SLCO1B1: variants seen among roughly 807,000 people sequenced by gnomAD.
SLCO1B1 encodes the protein OATP-2.
A neutral mutation model predicts 70.1 loss-of-function variants in SLCO1B1; 81 were observed. The observed-to-expected ratio is 1.16, with a 90% CI of 0.97 to 1.39. The LOEUF (loss-of-function observed/expected upper bound fraction) is 1.39, where lower values mean the gene tolerates loss of function less well. SLCO1B1 is among the 40% of genes most tolerant of loss of function. The probability of loss-of-function intolerance (pLI) is 0.00; values close to 1 mark genes in which losing one functional copy is unlikely to be tolerated. For missense variants in SLCO1B1, 895 were observed against 799.6 expected (o/e 1.12, Z -1.44); for synonymous variants, 283 against 271.5 (o/e 1.04, Z -0.42).
rs1565673099 is a variant in SLCO1B1, at chr12:21,174,628, G to A, written c.278G>A (p.Arg93Lys). ...FVSYFGSKLHRPKLIGIGCFI... is the reference protein window; with the variant it reads ...FVSYFGSKLHKPKLIGIGCFI... ...AGTTACTTTGGATCCAAACTACATAGACCAAAGTTAATTGGAATCGGTTGT... is the reference window on the plus strand; with the variant it reads ...AGTTACTTTGGATCCAAACTACATAAACCAAAGTTAATTGGAATCGGTTGT... Residue 93 changes from arginine to lysine, a missense_variant, in exon 4 of 15, where the codon AGA (arginine) becomes AAA (lysine). Coordinates refer to ENST00000256958, the MANE Select transcript of SLCO1B1 (RefSeq NM_006446.5). 6 of 1,612,498 alleles carry A rather than the reference G, an allele frequency of 3.7e-6. No individual in the cohort carries two copies. In the East Asian group the frequency reaches 1.1e-4, roughly 30 times the overall value.
intron 11 of SLCO1B1, among the ~76,000 whole-genome samples, chr12:21,207,615 AT>A (rs1941229650): frequency 6.6e-6 from 1 of 151,930 alleles, no homozygotes; most frequent in Non-Finnish European, 1.5e-5. Flanking sequence ...ATATAAGTAG[AT>A]GTGTTTTTGG....
chr12:21,164,203 G>A (rs968413823), intron 2 of SLCO1B1, among the ~76,000 whole-genome samples: 3 of 152,024 alleles, frequency 2.0e-5, no homozygotes, highest in African/African-American at 7.2e-5. Flanking sequence ...TATGCAACAG[G>A]CCTGCCTTAG....
At chr12:21,148,232 C>A (rs1448300706) in intron 2 of SLCO1B1, among the ~76,000 whole-genome samples, 1 of 152,058 alleles carries the variant, frequency 6.6e-6, no homozygotes, top group Non-Finnish European at 1.5e-5. Context: ...ATTTGTCAAT[C>A]TGGGTTTTTG....
intron 11 of SLCO1B1, among the ~76,000 whole-genome samples, chr12:21,206,316 A>G (rs1469929747): frequency 6.6e-6 from 1 of 151,878 alleles, no homozygotes; most frequent in Non-Finnish European, 1.5e-5. Flanking sequence ...ATTTGAATGC[A>G]TTTAGAATAT....
At position 21,239,594 on chromosome 12, in the gene SLCO1B1, T is replaced by C. The variant is rs112204127; in HGVS notation, c.*405T>C. On this transcript the variant is annotated 3_prime_UTR_variant, in exon 15 of 15. Coordinates refer to ENST00000256958, the MANE Select transcript of SLCO1B1 (RefSeq NM_006446.5). ...GAGAAATGCCTAGTGTCTATTTTATTAAACAAACAAACACAGAGTTTGAAC... is the reference window on the plus strand; with the variant it reads ...GAGAAATGCCTAGTGTCTATTTTATCAAACAAACAAACACAGAGTTTGAAC... Among the ~76,000 whole-genome samples, 15 of 152,182 alleles carry C rather than the reference T, an allele frequency of 9.9e-5. No individual in the cohort carries two copies. The highest frequency in any genetic ancestry group is 1.9e-4 in the Non-Finnish European group (13 of 67,996).
intron 2 of SLCO1B1, among the ~76,000 whole-genome samples, chr12:21,148,792 G>C (rs1940425675): frequency 7.0e-6 from 1 of 142,222 alleles, no homozygotes; most frequent in African/African-American, 2.6e-5. Context: ...GGATAGCATT[G>C]AATCTATAAA....
chr12:21,179,728 A>G (rs1033508855), intron 7 of SLCO1B1, among the ~76,000 whole-genome samples: 1 of 152,028 alleles, frequency 6.6e-6, no homozygotes, highest in East Asian at 1.9e-4. Flanking sequence ...AAATATATAC[A>G]TCTGTATCCA....
At chr12:21,134,546 C>T (rs1940189816) in intron 1 of SLCO1B1, among the ~76,000 whole-genome samples, 1 of 152,096 alleles carries the variant, frequency 6.6e-6, no homozygotes, top group South Asian at 2.1e-4. Context: ...GCAACTTCTT[C>T]CTGGTTTAGT....
At chr12:21,200,178 A>G (rs972533391) in intron 8 of SLCO1B1, among the ~76,000 whole-genome samples, 1 of 152,218 alleles carries the variant, frequency 6.6e-6, no homozygotes, top group African/African-American at 2.4e-5. Flanking sequence ...ATGAATGAAT[A>G]AGTGAATTAA....
At chr12:21,206,102 A>G in intron 11 of SLCO1B1, 69 bp downstream of exon 11, 1 of 1,307,986 alleles carries the variant, frequency 7.6e-7, no homozygotes, top group Non-Finnish European at 1.1e-6. Flanking sequence ...TTTTTTACCA[A>G]ATATTTCTGT....
chr12:21,180,406 G>A (rs2169970), intron 7 of SLCO1B1, among the ~76,000 whole-genome samples: 46,150 of 151,966 alleles, frequency 0.3, 7,694 homozygotes, highest in East Asian at 0.49. Flanking sequence ...TAATAGCCAA[G>A]AGCATGCCTT....
intron 11 of SLCO1B1, among the ~76,000 whole-genome samples, chr12:21,214,140 G>A (rs1400530674): frequency 2.0e-5 from 3 of 152,282 alleles, no homozygotes; most frequent in Admixed American, 6.5e-5. Context: ...GAGGTGCTCT[G>A]CTTTCTATAG....
At chr12:21,200,276 C>T (rs931973528) in intron 8 of SLCO1B1, among the ~76,000 whole-genome samples, 6 of 151,994 alleles carry the variant, frequency 3.9e-5, no homozygotes, top group Non-Finnish European at 7.4e-5. Flanking sequence ...ACGTATGACC[C>T]TATTTGAGGG....
At chr12:21,152,205 C>T (rs767813799) in intron 2 of SLCO1B1, among the ~76,000 whole-genome samples, 29 of 151,950 alleles carry the variant, frequency 1.9e-4, no homozygotes, top group African/African-American at 5.5e-4. Context: ...ATTTCTGCTA[C>T]GATGTTGTGA....
intron 11 of SLCO1B1, among the ~76,000 whole-genome samples, chr12:21,213,045 G>C (rs955374759): frequency 2.0e-5 from 3 of 151,512 alleles, no homozygotes; most frequent in Non-Finnish European, 4.4e-5. Context: ...CTTTTAATTG[G>C]AGCATTTAGT....
At chr12:21,134,918 G>T (rs1483392683) in intron 1 of SLCO1B1, among the ~76,000 whole-genome samples, 2 of 152,090 alleles carry the variant, frequency 1.3e-5, no homozygotes, top group African/African-American at 4.8e-5. Flanking sequence ...TCTTTTAATT[G>T]TGATGTTGGG....
In SLCO1B1 at chr12:21,131,199, G is replaced by A. The variant is rs939813367; in HGVS notation, c.-99G>A. 1 of 152,084 alleles carries A rather than the reference G, an allele frequency of 6.6e-6. No homozygotes were observed. The highest frequency in any genetic ancestry group is 2.1e-4 in the South Asian group (1 of 4,832). 9.4% of individuals were successfully genotyped at this position (152,084 alleles called of 1,614,324 possible). On this transcript the variant is annotated 5_prime_UTR_variant, in exon 1 of 15. It adds an upstream start codon to the 5' untranslated region. Coordinates refer to ENST00000256958, the MANE Select transcript of SLCO1B1 (RefSeq NM_006446.5). ...CCAACTACTTTAAGAGGAATAAAGG[G>A]TGGACTTGTTGCAGTTGCTGTAGGA...
intron 10 of SLCO1B1, among the ~76,000 whole-genome samples, chr12:21,203,321 A>G (rs886170751): frequency 6.6e-6 from 1 of 152,084 alleles, no homozygotes; most frequent in Non-Finnish European, 1.5e-5. Flanking sequence ...TTACTTTTCC[A>G]TGATTACCAT....
At chr12:21,222,172 A>G (rs1338848929) in intron 12 of SLCO1B1, 128 bp from the exon 13 acceptor site, 12 of 305,652 alleles carry the variant, frequency 3.9e-5, no homozygotes, top group Non-Finnish European at 7.6e-5. Context: ...ATAATTTTAT[A>G]TAATGGGGCC....
Sources: gnomAD v4.1 joint callset for allele counts (sites outside exome capture counted in the v4.1 genomes callset) on GRCh38, gnomAD v4.1.1 for gene constraint, MANE v1.5 for transcripts, NCBI Gene and HGNC (gene_info 2026-07-23, HGNC 2026-07-21) for gene names.